The following MTMR7 variants were observed in gnomAD, a reference collection of about 807,000 sequenced individuals.
MTMR7 encodes myotubularin related protein 7, also known as phosphatidylinositol-3-phosphate phosphatase MTMR7.
MTMR7 carries 76 observed loss-of-function variants against 81.2 expected under a neutral mutation model. That is an observed-to-expected ratio of 0.94 (90% CI 0.78 to 1.13). The LOEUF is 1.13. Among genes scored for constraint, MTMR7 ranks in the 50% most tolerant of loss-of-function variants. The pLI is 0.00. For missense variants in MTMR7, 1,044 were observed against 820.0 expected (o/e 1.27, Z -3.34); for synonymous variants, 372 against 289.8 (o/e 1.28, Z -2.88).
intron 1 of MTMR7, among the ~76,000 whole-genome samples, chr8:17,394,370 T>C (rs1821188451): frequency 6.6e-6 from 1 of 152,178 alleles, no homozygotes; most frequent in Non-Finnish European, 1.5e-5. Flanking sequence ...CAATAAAAAG[T>C]AATGAAGTAC....
chr8:17,314,178 T>C (rs1817936429), intron 7 of MTMR7, among the ~76,000 whole-genome samples: 1 of 152,192 alleles, frequency 6.6e-6, no homozygotes, highest in African/African-American at 2.4e-5. Context: ...TCTGAGTACA[T>C]ATCACAAATA....
At position 17,330,671 on chromosome 8, in the gene MTMR7, C is replaced by T. The variant is rs749585438; in HGVS notation, c.865+479G>A. Among the ~76,000 whole-genome samples, 6 of 152,188 alleles carry T rather than the reference C, an allele frequency of 3.9e-5. 1 individual carries two copies. In the Middle Eastern group the frequency reaches 0.01, roughly 259 times the overall value. On this transcript the variant is annotated intron_variant, in intron 7 of 13. Transcript: ENST00000180173. ...TATGTCAAAGTGTGTGTGGAGGTGG[C>T]GGGAGGTTACATGCATGTGTATTGT... is the stretch of plus-strand genomic sequence containing the variant.
intron 10 of MTMR7, among the ~76,000 whole-genome samples, chr8:17,307,826 G>C (rs1817556589): frequency 1.3e-5 from 2 of 149,990 alleles, no homozygotes; most frequent in South Asian, 4.2e-4. Flanking sequence ...TCATAGGTGG[G>C]AACTGAACAA....
rs200135634 is a variant in MTMR7 at position 17,302,258 on chromosome 8, G to A, written c.1516C>T (p.Arg506Cys). 1.3e-4 allele frequency: 205 copies of A among 1,613,740 alleles called. No individual in the cohort carries two copies. The highest frequency in any genetic ancestry group is 1.6e-4 in the Non-Finnish European group (189 of 1,179,854). Residue 506 changes from arginine (R) to cysteine (C), a missense_variant, in exon 13 of 14, where the codon CGC (arginine) becomes TGC (cysteine). Arg to Cys is a radical substitution (Grantham distance 180). Coordinates refer to ENST00000180173, the MANE Select transcript of MTMR7 (RefSeq NM_004686.5). ...CGGGGCTGCATCCCCTTTTCAAAGC[G>A]GTTATACATTCCACTCCAAAACCTG... Reference protein sequence around the residue: ...MYKFWSGMYNRFEKGMQPRQS... With the variant: ...MYKFWSGMYNCFEKGMQPRQS...
At chr8:17,342,062 C>G (rs925677389) in intron 5 of MTMR7, among the ~76,000 whole-genome samples, 1 of 152,152 alleles carries the variant, frequency 6.6e-6, no homozygotes, top group Non-Finnish European at 1.5e-5. Context: ...CATACCTGTG[C>G]TGACTCAAGT....
At chr8:17,300,604 T>A (rs566340138) in intron 13 of MTMR7, among the ~76,000 whole-genome samples, 1 of 152,240 alleles carries the variant, frequency 6.6e-6, no homozygotes, top group Non-Finnish European at 1.5e-5. Context: ...CTAACTTTTA[T>A]ACTGAGATAC....
At position 17,394,794 on chromosome 8, in the gene MTMR7, C is replaced by G. The variant is rs1821202568; in HGVS notation, c.24+18475G>C. On this transcript the variant is annotated intron_variant, in intron 1 of 13. Transcript: ENST00000180173. The stretch of plus-strand genomic sequence containing the variant: ...GACATCAGACCCACAATGCCACCCA[C>G]TGTCATGCTAATAGTTGATATACAT... 1.3e-5 allele frequency among the ~76,000 whole-genome samples: 2 copies of G among 151,574 alleles called. 1 individual carries two copies. The highest frequency in any genetic ancestry group is 4.8e-5 in the African/African-American group (2 of 41,400).
chr8:17,347,170 G>A (rs1441486359), intron 5 of MTMR7, among the ~76,000 whole-genome samples: 1 of 151,050 alleles, frequency 6.6e-6, no homozygotes, highest in Non-Finnish European at 1.5e-5. Context: ...ACTCCAGCCT[G>A]GGCGACAAGT....
At chr8:17,350,742 C>G (rs1447023708) in intron 4 of MTMR7, among the ~76,000 whole-genome samples, 1 of 152,218 alleles carries the variant, frequency 6.6e-6, no homozygotes, top group South Asian at 2.1e-4. Context: ...GATGATGCCT[C>G]CCTTGCTGAC....
intron 7 of MTMR7, among the ~76,000 whole-genome samples, chr8:17,320,728 G>A (rs756607): frequency 0.34 from 51,480 of 151,956 alleles, 10,403 homozygotes; most frequent in East Asian, 0.75. Flanking sequence ...ACAGTGCCCA[G>A]CAATACCAGA....
chr8:17,370,204 C>T (rs974109875), intron 3 of MTMR7, among the ~76,000 whole-genome samples: 2 of 151,218 alleles, frequency 1.3e-5, no homozygotes, highest in South Asian at 2.1e-4. Flanking sequence ...GTTGTATCAA[C>T]CTTGGAAAAA....
intron 1 of MTMR7, among the ~76,000 whole-genome samples, chr8:17,395,713 T>C (rs1253648400): frequency 6.6e-6 from 1 of 152,212 alleles, no homozygotes; most frequent in African/African-American, 2.4e-5. Context: ...TATTGGCCAT[T>C]TGTATATCTT....
intron 1 of MTMR7, among the ~76,000 whole-genome samples, chr8:17,395,541 G>A (rs993848038): frequency 3.9e-5 from 6 of 152,152 alleles, no homozygotes; most frequent in African/African-American, 1.2e-4. Flanking sequence ...CACCAACAAT[G>A]CACAAGGGTT....
chr8:17,387,003 G>A (rs189459267), intron 1 of MTMR7, among the ~76,000 whole-genome samples: 87 of 152,204 alleles, frequency 5.7e-4, no homozygotes, highest in African/African-American at 1.9e-3. Flanking sequence ...GTCACTCTCT[G>A]TTCAGAGCTA....
chr8:17,320,510 C>T (rs985198176), intron 7 of MTMR7, among the ~76,000 whole-genome samples: 10 of 151,920 alleles, frequency 6.6e-5, no homozygotes, highest in Admixed American at 4.6e-4. Context: ...GTCATGTAAT[C>T]GTAGTAAGGA....
chr8:17,368,662 T>C (rs558104861), intron 3 of MTMR7, among the ~76,000 whole-genome samples: 1 of 152,198 alleles, frequency 6.6e-6, no homozygotes, highest in Admixed American at 6.5e-5. Context: ...GCCTATAATA[T>C]GCCCTAATGT....
intron 3 of MTMR7, among the ~76,000 whole-genome samples, chr8:17,368,493 C>A (rs188179263): frequency 6.8e-4 from 104 of 152,356 alleles, no homozygotes; most frequent in Admixed American, 1.3e-3. Context: ...CCCTTATTCT[C>A]ATGCCCTTAA....
At chr8:17,376,522 C>G (rs1422002431) in intron 1 of MTMR7, among the ~76,000 whole-genome samples, 2 of 152,146 alleles carry the variant, frequency 1.3e-5, no homozygotes, top group Non-Finnish European at 2.9e-5. Context: ...GGACTATTTT[C>G]CAAAGCAGCT....
Position 17,373,174 on chromosome 8 carries a change from T to A in MTMR7, c.91A>T (p.Thr31Ser). The change falls in exon 2 of 14, where the codon ACG becomes TCG. Residue 31 changes from threonine (T) to serine (S), a missense_variant. Coordinates refer to ENST00000180173, the MANE Select transcript of MTMR7 (RefSeq NM_004686.5). The stretch of plus-strand genomic sequence containing the variant: ...TCCACGAATATGACATGGGTAGCCG[T>A]CAAATACAAAGTACCTAGAGCTGCT... The part of the protein sequence containing the change: ...KKAALGTLYL[T>S]ATHVIFVENS... The A allele has an allele frequency of 6.2e-7, 1 of 1,613,906 alleles. No individual in the cohort carries two copies.
Sources: allele counts gnomAD v4.1 joint callset (sites outside exome capture counted in the v4.1 genomes callset), GRCh38; gene constraint gnomAD v4.1.1; transcripts MANE v1.5; gene names NCBI Gene and HGNC (gene_info 2026-07-23, HGNC 2026-07-21).